ARHGEF3: variants seen among roughly 807,000 people sequenced by gnomAD.
ARHGEF3 encodes the protein 59.8 kDA protein.
Under a neutral mutation model 63.2 loss-of-function variants are expected in ARHGEF3, and 28 were observed. That is an observed-to-expected ratio of 0.44 (90% CI 0.33 to 0.61). The LOEUF (loss-of-function observed/expected upper bound fraction) is 0.61, where lower values mean the gene tolerates loss of function less well. Ranked by LOEUF, ARHGEF3 falls within the 20% of genes least tolerant of loss-of-function variation. ARHGEF3 has a pLI of 0.03. For synonymous variants in ARHGEF3, 266 were observed against 254.2 expected, an observed-to-expected ratio of 1.05 and a Z score of -0.44; for missense variants, 533 against 659.3, an observed-to-expected ratio of 0.81 and a Z score of 2.10.
chr3:56,776,565 TAGA>T (rs1194664163), intron 1 of ARHGEF3, among the ~76,000 whole-genome samples: 2 of 152,214 alleles, frequency 1.3e-5, no homozygotes, highest in Non-Finnish European at 2.9e-5. Flanking sequence ...TCTGTGAGAA[TAGA>T]AGATTAAAAA....
At chr3:57,074,444 T>A in intron 1 of ARHGEF3, 1 of 614,290 alleles carries the variant, frequency 1.6e-6, no homozygotes, top group South Asian at 2.1e-5. Flanking sequence ...TTCCCCAATA[T>A]CACAGATGAA....
intron 1 of ARHGEF3, among the ~76,000 whole-genome samples, chr3:56,774,618 C>A (rs1314544596): frequency 2.0e-5 from 3 of 152,120 alleles, no homozygotes; most frequent in Non-Finnish European, 4.4e-5. Context: ...AAATAACAGC[C>A]TGGCCAGGCG....
At chr3:56,842,045 G>A (rs1191516734) in intron 4 of ARHGEF3, among the ~76,000 whole-genome samples, 1 of 152,046 alleles carries the variant, frequency 6.6e-6, no homozygotes, top group Non-Finnish European at 1.5e-5. Flanking sequence ...TATGAAGTAG[G>A]AACTACTAGT....
At chr3:57,021,943 A>C (rs1204474885) in intron 2 of ARHGEF3, among the ~76,000 whole-genome samples, 3 of 152,152 alleles carry the variant, frequency 2.0e-5, no homozygotes, top group African/African-American at 7.2e-5. Context: ...CTATTAGAGC[A>C]AACAGGAAAA....
rs1251673124 is a variant in ARHGEF3 at position 56,776,708 on chromosome 3, T to C, written c.97-2892A>G. ...CTTGTTAAATAGCTCTACTGAGAAC[T>C]AGCAAATGCAATCGTAGGGATGCTT... On this transcript the variant is annotated intron_variant, in intron 1 of 9. Coordinates refer to ENST00000296315, the MANE Select transcript of ARHGEF3 (RefSeq NM_019555.3). Among the ~76,000 whole-genome samples, 3 of 152,206 alleles carry C rather than the reference T, an allele frequency of 2.0e-5. No individual in the cohort carries two copies. The South Asian group carries it at 6.2e-4, about 32-fold the overall frequency.
chr3:56,962,176 T>C (rs1462729390), intron 2 of ARHGEF3, among the ~76,000 whole-genome samples: 1 of 152,172 alleles, frequency 6.6e-6, no homozygotes, highest in Non-Finnish European at 1.5e-5. Flanking sequence ...AGGAGAACCA[T>C]ACTGATGAGA....
chr3:56,867,897 A>C (rs2040307644), intron 4 of ARHGEF3, among the ~76,000 whole-genome samples: 1 of 152,226 alleles, frequency 6.6e-6, no homozygotes, highest in African/African-American at 2.4e-5. Context: ...TGAAGAGGGC[A>C]TGACCATCTG....
intron 1 of ARHGEF3, among the ~76,000 whole-genome samples, chr3:57,038,287 TAAGGAATAGTGTCTC>T (rs1446600792): frequency 2.0e-5 from 3 of 152,048 alleles, no homozygotes; most frequent in African/African-American, 7.2e-5. Context: ...AGGAATCGGG[TAAGGAATAGTGTCTC>T]AATGAGGCCC....
intron 2 of ARHGEF3, among the ~76,000 whole-genome samples, chr3:57,011,866 G>A (rs184899751): frequency 3.3e-5 from 5 of 152,248 alleles, no homozygotes; most frequent in Non-Finnish European, 7.4e-5. Context: ...CCCAGTGCTC[G>A]CAGGGCCTCT....
At chr3:57,052,319 C>G (rs1033680264) in intron 1 of ARHGEF3, among the ~76,000 whole-genome samples, 1 of 151,834 alleles carries the variant, frequency 6.6e-6, no homozygotes, top group East Asian at 1.9e-4. Flanking sequence ...CTTTTTCAGA[C>G]GGAGTCTCCT....
intron 3 of ARHGEF3, among the ~76,000 whole-genome samples, chr3:56,921,129 C>G (rs2042127202): frequency 6.9e-6 from 1 of 145,514 alleles, no homozygotes; most frequent in Non-Finnish European, 1.5e-5. Context: ...GTTAGGGAGG[C>G]AGAGACATGA....
chr3:56,912,287 G>A (rs1560043781), intron 3 of ARHGEF3, among the ~76,000 whole-genome samples: 1 of 152,184 alleles, frequency 6.6e-6, no homozygotes. Flanking sequence ...TGTCATAGGT[G>A]CCTCTTACTT....
chr3:56,728,365 CAGTGTCATCGAT>C lies in ARHGEF3; in HGVS notation c.*893_*904del. ...TCTTCCTCTCCTGTGTTTCTATAAA[CAGTGTCATCGAT>C]AGAGTCATGGTCTCTCTTCCTTGTT... On this transcript the variant is annotated 3_prime_UTR_variant, in exon 10 of 10. Coordinates refer to ENST00000296315, the MANE Select transcript of ARHGEF3 (RefSeq NM_019555.3). The C allele has an allele frequency of 6.5e-6, 1 of 152,776 alleles. No homozygotes were observed. The highest frequency in any genetic ancestry group is 3.4e-3 in the Middle Eastern group (1 of 294). The allele number at this position is 152,776 out of a possible 1,614,324, so 9.5% of individuals were successfully genotyped here. A position where few individuals can be genotyped will look rare whatever the true frequency, so the allele number is the denominator to read the frequency against.
chr3:57,028,638 C>T (rs1703580924), intron 2 of ARHGEF3, among the ~76,000 whole-genome samples: 1 of 139,586 alleles, frequency 7.2e-6, no homozygotes. Context: ...CACATGTATA[C>T]ATATGTAACT....
At chr3:56,984,792 G>C (rs1701469289) in intron 2 of ARHGEF3, among the ~76,000 whole-genome samples, 1 of 152,154 alleles carries the variant, frequency 6.6e-6, no homozygotes, top group Non-Finnish European at 1.5e-5. Flanking sequence ...GATTAGTTTG[G>C]CTCTTAGAGT....
intron 2 of ARHGEF3, among the ~76,000 whole-genome samples, chr3:56,966,282 C>T (rs563475874): frequency 5.8e-4 from 89 of 152,188 alleles, no homozygotes; most frequent in African/African-American, 2.0e-3. Flanking sequence ...GAATGCTATA[C>T]AAAGATACAG....
chr3:56,882,739 G>A (rs1420073160), intron 3 of ARHGEF3, among the ~76,000 whole-genome samples: 2 of 151,898 alleles, frequency 1.3e-5, no homozygotes, highest in Non-Finnish European at 2.9e-5. Flanking sequence ...GGCTGGTCTC[G>A]AACTCCTGAC....
intron 4 of ARHGEF3, among the ~76,000 whole-genome samples, chr3:56,837,791 A>G (rs986034191): frequency 2.6e-5 from 4 of 152,198 alleles, no homozygotes; most frequent in Non-Finnish European, 4.4e-5. Context: ...ATACATGACC[A>G]GCGATTCTGG....
chr3:57,040,249 G>A (rs992696746), intron 1 of ARHGEF3, among the ~76,000 whole-genome samples: 1 of 152,122 alleles, frequency 6.6e-6, no homozygotes, highest in African/African-American at 2.4e-5. Flanking sequence ...AGGCCAAGGC[G>A]GGTGGATCAC....
Sources: allele counts gnomAD v4.1 joint callset (sites outside exome capture counted in the v4.1 genomes callset), GRCh38; gene constraint gnomAD v4.1.1; transcripts MANE v1.5; gene names NCBI Gene and HGNC (gene_info 2026-07-23, HGNC 2026-07-21).